The following DLGAP2 variants were observed in gnomAD, a reference collection of about 807,000 sequenced individuals.
The protein encoded by DLGAP2 is disks large-associated protein 2.
A neutral mutation model predicts 100.3 loss-of-function variants in DLGAP2; 26 were observed. The observed-to-expected ratio is 0.26, with a 90% confidence interval of 0.19 to 0.36. The LOEUF (loss-of-function observed/expected upper bound fraction) is 0.36. Ranked by LOEUF, DLGAP2 falls within the 10% of genes least tolerant of loss-of-function variation. DLGAP2 has a pLI of 1.00. For missense variants in DLGAP2, 1,858 were observed against 1,453.2 expected (o/e 1.28, Z -4.53); for synonymous variants, 886 against 630.1 (o/e 1.41, Z -6.08).
intron 3 of DLGAP2, among the ~76,000 whole-genome samples, chr8:1,412,406 C>T (rs1796756531): frequency 6.6e-6 from 1 of 152,194 alleles, no homozygotes; most frequent in Admixed American, 6.5e-5. Context: ...CAGAGTCTCA[C>T]CCTCTTCCAT....
chr8:1,216,237 G>T (rs893060449), intron 2 of DLGAP2, among the ~76,000 whole-genome samples: 6 of 152,174 alleles, frequency 3.9e-5, no homozygotes, highest in African/African-American at 1.4e-4. Flanking sequence ...GTGAACTGAG[G>T]TCTCAATTAC....
In DLGAP2 at chr8:1,411,299, C is replaced by T. The variant is rs142442280; in HGVS notation, c.107-90067C>T. The stretch of plus-strand genomic sequence containing the variant: ...ATATACTATAATAAGTCAAAGAAAA[C>T]AGAGTTAGGAATAATCAAAACACCA... On this transcript the variant is annotated intron_variant, in intron 3 of 14. Coordinates refer to ENST00000637795, the MANE Select transcript of DLGAP2 (RefSeq NM_001346810.2). 3.7e-4 allele frequency among the ~76,000 whole-genome samples: 56 copies of T among 152,256 alleles called. 1 individual carries two copies. Among genetic ancestry groups the T allele is most frequent in the African/African-American group, 1.3e-3 (56 of 41,546 alleles).
chr8:1,509,214 CCA>C (rs1177173970), intron 4 of DLGAP2, among the ~76,000 whole-genome samples: 1 of 151,768 alleles, frequency 6.6e-6, no homozygotes, highest in Non-Finnish European at 1.5e-5. Flanking sequence ...GCCTGTAATC[CCA>C]GCTACTCGAG....
In DLGAP2 at chr8:1,705,785, G is replaced by C. The variant is rs1223469499; in HGVS notation, c.*4379G>C. ...GCAGTTTTCAGACGACAGCCCCTGGGAATGTTCCAGGGTTCTCTTGTTTTG... is the reference window on the plus strand; with the variant it reads ...GCAGTTTTCAGACGACAGCCCCTGGCAATGTTCCAGGGTTCTCTTGTTTTG... On this transcript the variant is annotated 3_prime_UTR_variant, in exon 15 of 15. Coordinates refer to ENST00000637795, the MANE Select transcript of DLGAP2 (RefSeq NM_001346810.2). The C allele has an allele frequency of 1.3e-5, 2 of 152,158 alleles. No individual in the cohort carries two copies. The highest frequency in any genetic ancestry group is 4.8e-5 in the African/African-American group (2 of 41,424). 9.4% of individuals were successfully genotyped at this position (152,158 alleles called of 1,614,324 possible). A position where few individuals can be genotyped will look rare whatever the true frequency, so the allele number is the denominator to read the frequency against.
chr8:1,197,280 C>T (rs1333690864), intron 2 of DLGAP2, among the ~76,000 whole-genome samples: 1 of 99,790 alleles, frequency 1.0e-5, no homozygotes, highest in East Asian at 3.4e-4. Flanking sequence ...CACCAGTTAC[C>T]TGGCTATCAC....
intron 2 of DLGAP2, among the ~76,000 whole-genome samples, chr8:1,169,070 G>A (rs1797074615): frequency 6.7e-6 from 1 of 148,702 alleles, no homozygotes; most frequent in South Asian, 2.2e-4. Flanking sequence ...AAGGTGTAAG[G>A]AAGGGATCCA....
At chr8:1,569,356 C>T (rs1275442624) in intron 6 of DLGAP2, among the ~76,000 whole-genome samples, 1 of 152,198 alleles carries the variant, frequency 6.6e-6, no homozygotes, top group African/African-American at 2.4e-5. Context: ...AATCTGACGC[C>T]GTGTTGTAGA....
chr8:824,553 TC>T (rs1255561782), intron 1 of DLGAP2, among the ~76,000 whole-genome samples: 1 of 152,064 alleles, frequency 6.6e-6, no homozygotes, highest in Non-Finnish European at 1.5e-5. Context: ...GTGACTCCTG[TC>T]CCCACCCCCA....
chr8:932,229 G>A (rs986235890), intron 2 of DLGAP2, among the ~76,000 whole-genome samples: 1 of 152,170 alleles, frequency 6.6e-6, no homozygotes, highest in Non-Finnish European at 1.5e-5. Flanking sequence ...CACACATGCA[G>A]TCCAGCAGCC....
rs1356173248 is a variant in DLGAP2, at chr8:1,708,170, T to C, written c.*6764T>C. On this transcript the variant is annotated 3_prime_UTR_variant, in exon 15 of 15. Coordinates refer to ENST00000637795, the MANE Select transcript of DLGAP2 (RefSeq NM_001346810.2). ...TGACGATGCCTCCATTTGACTTCTG[T>C]ATCGCTGATGTTCACCTCCTGTAAA... 1 of 152,240 alleles carries C rather than the reference T, an allele frequency of 6.6e-6. No individual in the cohort carries two copies. Among genetic ancestry groups the C allele is most frequent in the African/African-American group, 2.4e-5 (1 of 41,466 alleles). 9.4% of individuals were successfully genotyped at this position (152,240 alleles called of 1,614,324 possible). A position where few individuals can be genotyped will look rare whatever the true frequency, so the allele number is the denominator to read the frequency against.
intron 2 of DLGAP2, among the ~76,000 whole-genome samples, chr8:914,534 G>A (rs1179652553): frequency 1.3e-5 from 2 of 152,218 alleles, no homozygotes; most frequent in East Asian, 3.8e-4. Context: ...TCTTTGTGCT[G>A]AGTGGAAAAA....
chr8:1,170,246 C>G (rs1199681817), intron 2 of DLGAP2, among the ~76,000 whole-genome samples: 12 of 152,224 alleles, frequency 7.9e-5, no homozygotes, highest in South Asian at 4.2e-4. Context: ...CTTGTTCATG[C>G]TGGATAAGCT....
chr8:1,424,019 C>G (rs553731319), intron 3 of DLGAP2, among the ~76,000 whole-genome samples: 1 of 152,210 alleles, frequency 6.6e-6, no homozygotes, highest in Non-Finnish European at 1.5e-5. Flanking sequence ...TTATTCAAAG[C>G]TCGTATCAGG....
Position 859,919 on chromosome 8 carries a change from G to A in DLGAP2, c.19-47993G>A, listed in dbSNP as rs766187694. Among the ~76,000 whole-genome samples, 3 of 152,226 alleles carry A rather than the reference G, an allele frequency of 2.0e-5. No homozygotes were observed. The East Asian group carries it at 5.8e-4, about 29-fold the overall frequency. On this transcript the variant is annotated intron_variant, in intron 1 of 14. Coordinates refer to ENST00000637795, the MANE Select transcript of DLGAP2 (RefSeq NM_001346810.2). Reference sequence around the variant, plus strand: ...ACACATGGGCTTATGTGGGCTTCCCGTAACATTTCCAGTATTGAGGTGTTG... The same window carrying A: ...ACACATGGGCTTATGTGGGCTTCCCATAACATTTCCAGTATTGAGGTGTTG...
chr8:1,408,523 G>A (rs1796640046), intron 3 of DLGAP2, among the ~76,000 whole-genome samples: 1 of 152,358 alleles, frequency 6.6e-6, no homozygotes, highest in African/African-American at 2.4e-5. Context: ...GATGATGAGG[G>A]TGCTGCTCTC....
intron 3 of DLGAP2, among the ~76,000 whole-genome samples, chr8:1,367,840 C>T (rs1337482572): frequency 6.6e-6 from 1 of 152,092 alleles, no homozygotes; most frequent in Non-Finnish European, 1.5e-5. Context: ...GTTATTTAGC[C>T]TTTATCTAGA....
chr8:1,521,726 C>CA (rs113409037), intron 4 of DLGAP2, among the ~76,000 whole-genome samples: 36 of 13,632 alleles, frequency 2.6e-3, no homozygotes, highest in African/African-American at 9.7e-3. Flanking sequence ...TTGGAATACT[C>CA]GGGGGCAGCT....
At chr8:1,173,699 A>G (rs550947074) in intron 2 of DLGAP2, among the ~76,000 whole-genome samples, 89 of 152,250 alleles carry the variant, frequency 5.8e-4, no homozygotes, top group Non-Finnish European at 6.3e-4. Context: ...GCAGGATATA[A>G]TCTCCTGGTG....
intron 3 of DLGAP2, among the ~76,000 whole-genome samples, chr8:1,451,109 G>A (rs145169544): frequency 3.3e-5 from 5 of 152,116 alleles, no homozygotes; most frequent in South Asian, 2.1e-4. Flanking sequence ...GTGGATTCCC[G>A]TTCTGTGGGC....
Sources: gnomAD v4.1 joint callset for allele counts (sites outside exome capture counted in the v4.1 genomes callset) on GRCh38, gnomAD v4.1.1 for gene constraint, MANE v1.5 for transcripts, NCBI Gene and HGNC (gene_info 2026-07-23, HGNC 2026-07-21) for gene names.